The following TRMT13 variants were observed in gnomAD, a reference collection of about 807,000 sequenced individuals.
TRMT13 encodes the protein tRNA:m(4)X modification enzyme TRM13 homolog.
A neutral mutation model predicts 55.9 loss-of-function variants in TRMT13; 45 were observed. That is an observed-to-expected ratio of 0.80 (90% CI 0.63 to 1.03). The LOEUF (loss-of-function observed/expected upper bound fraction) is 1.03. Ranked by LOEUF, TRMT13 falls within the 50% of genes least tolerant of loss-of-function variation. The pLI, the probability that TRMT13 is intolerant of heterozygous loss-of-function variation, is 0.00. For missense variants in TRMT13, 513 were observed against 563.9 expected, an observed-to-expected ratio of 0.91 and a Z score of 0.91; for synonymous variants, 183 against 196.3, an observed-to-expected ratio of 0.93 and a Z score of 0.57.
chr1:100,148,033 T>C lies in TRMT13; in HGVS notation c.957T>C (p.Asn319=). The C allele has an allele frequency of 1.2e-6, 2 of 1,614,106 alleles. No individual in the cohort carries two copies. The highest frequency in any genetic ancestry group is 1.7e-6 in the Non-Finnish European group (2 of 1,180,028). The change falls in exon 10 of 11, where the codon AAT becomes AAC. Residue 319 remains asparagine (N), a synonymous_variant. Transcript: ENST00000370141. ...TGGCCAAGGAAGGAAATGAAAAAAA[T>C]GTCCCAGAGAAGTGGAACCCTGTGG... ...YTLAKEGNEK[N]VPEKWNPVAG... is the part of the protein sequence containing the mutation.
intron 6 of TRMT13, 39 bp from the exon 7 acceptor site, chr1:100,140,813 T>C: frequency 1.3e-6 from 2 of 1,572,666 alleles, no homozygotes; most frequent in Middle Eastern, 1.7e-4. Flanking sequence ...ACCAAATGTG[T>C]TTACTCTAGT....
intron 8 of TRMT13, 51 bp from the exon 9 acceptor site, chr1:100,144,018 A>G (rs1350377234): frequency 2.0e-6 from 3 of 1,483,732 alleles, no homozygotes; most frequent in Non-Finnish European, 1.9e-6. Flanking sequence ...GGAAGGCCAC[A>G]TTAATATGTA....
At chr1:100,134,929 T>C (rs1193541136) in intron 1 of TRMT13, among the ~76,000 whole-genome samples, 1 of 152,244 alleles carries the variant, frequency 6.6e-6, no homozygotes, top group Non-Finnish European at 1.5e-5. Flanking sequence ...ATGATGTAAC[T>C]GGATGTTGTG....
rs1655944174 is a variant in TRMT13, at chr1:100,136,905, C to G, written c.171C>G (p.Ile57Met). 1 of 1,601,106 alleles carries G rather than the reference C, an allele frequency of 6.2e-7. No individual in the cohort carries two copies. Among genetic ancestry groups the G allele is most frequent in the Non-Finnish European group, 8.5e-7 (1 of 1,175,852 alleles). ...AGGAAGAAGATGCTCGGAAAAGAAT[C>G]CTGTGTCCTTTAGATCCAAAACAGT... ...AAEEEDARKR[I>M]LCPLDPKHTV... Residue 57 changes from isoleucine to methionine, a missense_variant, in exon 2 of 11, where the codon ATC (isoleucine) becomes ATG (methionine). Around this residue, in one of 3 missense-constraint regions of TRMT13, gnomAD observed 298 missense variants for 290.3 expected, o/e 1.03. Transcript: ENST00000370141.
At chr1:100,139,561 G>A in intron 3 of TRMT13, 88 bp from the exon 4 acceptor site, 1 of 751,422 alleles carries the variant, frequency 1.3e-6, no homozygotes. Flanking sequence ...GTACAGAGCA[G>A]GGGATAAAGG....
In TRMT13 at chr1:100,144,124, T is replaced by C. The variant is rs774917038; in HGVS notation, c.798T>C (p.His266=). 17 of 1,613,504 alleles carry C rather than the reference T, an allele frequency of 1.1e-5. No individual in the cohort carries two copies. The highest frequency in any genetic ancestry group is 1.4e-5 in the Non-Finnish European group (17 of 1,179,518). Reference sequence around the variant, plus strand: ...TACCTGTGGTAGGAATTGGAAAGCATCTGTGTGGTATGGCAACAGGTACGT... The same window carrying C: ...TACCTGTGGTAGGAATTGGAAAGCACCTGTGTGGTATGGCAACAGGTACGT... ...EKLPVVGIGK[H]LCGMATDLAL... The change falls in exon 9 of 11, where the codon CAT becomes CAC. Residue 266 remains histidine, a synonymous_variant. Coordinates refer to ENST00000370141, the MANE Select transcript of TRMT13 (RefSeq NM_019083.3).
chr1:100,135,557 T>G (rs926973705), intron 1 of TRMT13, among the ~76,000 whole-genome samples: 2 of 152,168 alleles, frequency 1.3e-5, no homozygotes, highest in African/African-American at 2.4e-5. Context: ...TTGTTAACTA[T>G]TAGCTCACTT....
chr1:100,138,006 T>C (rs1206439382), intron 3 of TRMT13, among the ~76,000 whole-genome samples: 2 of 152,166 alleles, frequency 1.3e-5, no homozygotes, highest in African/African-American at 2.4e-5. Flanking sequence ...ATGTGCAATA[T>C]GTGTTCAGAG....
chr1:100,148,988 A>C lies in TRMT13; in HGVS notation c.*168A>C. On this transcript the variant is annotated 3_prime_UTR_variant, in exon 11 of 11. Coordinates refer to ENST00000370141, the MANE Select transcript of TRMT13 (RefSeq NM_019083.3). ...CTTTTCTTTTTACTTCAGAAATCCA[A>C]ACATTAGAGAATTCACCAAAGTAAT... is the stretch of plus-strand genomic sequence containing the variant. The C allele has an allele frequency of 4.2e-6, 6 of 1,428,344 alleles. No individual in the cohort carries two copies. The South Asian group carries it at 9.6e-5, about 23-fold the overall frequency. 88.5% of individuals were successfully genotyped at this position (1,428,344 alleles called of 1,614,324 possible). A position where few individuals can be genotyped will look rare whatever the true frequency, so the allele number is the denominator to read the frequency against.
In TRMT13 at chr1:100,140,257, A is replaced by T. The variant is rs1249860680; in HGVS notation, c.394+6A>T. On this transcript the variant is annotated splice_donor_region_variant and intron_variant, in intron 5 of 10. Coordinates refer to ENST00000370141, the MANE Select transcript of TRMT13 (RefSeq NM_019083.3). ...ATTGAGAAAAGCAAGTGAAGGTAAG[A>T]CTGCCTAAAGTTGCAAGTTCAATTA... 1.2e-6 allele frequency: 2 copies of T among 1,611,968 alleles called. No homozygotes were observed.
At chr1:100,141,161 TTGTATTGA>T (rs1268403976) in intron 7 of TRMT13, 142 bp downstream of exon 7, 1 of 730,200 alleles carries the variant, frequency 1.4e-6, no homozygotes, top group African/African-American at 1.8e-5. Context: ...TTAGTTCTAA[TTGTATTGA>T]TAACTCAAAC....
At chr1:100,139,077 G>C (rs1041853683) in intron 3 of TRMT13, among the ~76,000 whole-genome samples, 6 of 152,230 alleles carry the variant, frequency 3.9e-5, no homozygotes, top group African/African-American at 1.4e-4. Context: ...TAGGATTACA[G>C]GCCTGAGCCA....
intron 3 of TRMT13, among the ~76,000 whole-genome samples, chr1:100,138,240 C>A (rs1236528345): frequency 6.6e-6 from 1 of 152,098 alleles, no homozygotes; most frequent in Non-Finnish European, 1.5e-5. Flanking sequence ...AACTGGTGAA[C>A]AATTTTTTTA....
chr1:100,144,247 C>A, intron 9 of TRMT13, 104 bp downstream of exon 9: 1 of 793,398 alleles, frequency 1.3e-6, no homozygotes, highest in South Asian at 1.5e-5. Context: ...CTTATGTTTA[C>A]AACTCAATAA....
rs769018648 is a variant in TRMT13, at chr1:100,148,375, TTGTAC to T, written c.1250+56_1250+60del. 2.6e-6 allele frequency: 4 copies of T among 1,525,766 alleles called. No homozygotes were observed. In the South Asian group the frequency reaches 3.6e-5, roughly 14 times the overall value. The allele number at this position is 1,525,766 out of a possible 1,614,324, so 94.5% of individuals were successfully genotyped here. ...ATGATACTAAAGGAGAAATATTATA[TTGTAC>T]TGTACTTTAGATGACTATTATCAAC... On this transcript the variant is annotated intron_variant, in intron 10 of 10. Transcript: ENST00000370141.
chr1:100,147,083 A>G (rs1657366755), intron 9 of TRMT13, among the ~76,000 whole-genome samples: 1 of 152,220 alleles, frequency 6.6e-6, no homozygotes, highest in Admixed American at 6.5e-5. Context: ...CAGACACAAC[A>G]TGACAATCTA....
At chr1:100,146,591 C>T (rs935010005) in intron 9 of TRMT13, among the ~76,000 whole-genome samples, 9 of 152,202 alleles carry the variant, frequency 5.9e-5, no homozygotes, top group South Asian at 2.1e-4. Context: ...CTGCAACCTC[C>T]GCCTCCCGGC....
chr1:100,146,073 G>A (rs192837066), intron 9 of TRMT13, among the ~76,000 whole-genome samples: 1 of 152,224 alleles, frequency 6.6e-6, no homozygotes, highest in East Asian at 1.9e-4. Context: ...TCCATAGACT[G>A]TACTATTTCT....
chr1:100,133,422 T>A (rs1460243105), intron 1 of TRMT13, 107 bp downstream of exon 1: 1 of 1,327,994 alleles, frequency 7.5e-7, no homozygotes, highest in Non-Finnish European at 1.0e-6. Context: ...TTGTGTCCCC[T>A]GGATTCTCCA....
Sources: gnomAD v4.1 joint callset for allele counts (sites outside exome capture counted in the v4.1 genomes callset) on GRCh38, gnomAD v4.1.1 for gene constraint, gnomAD v4.1.1 regional missense constraint, MANE v1.5 for transcripts, NCBI Gene and HGNC (gene_info 2026-07-23, HGNC 2026-07-21) for gene names.